Variants in PCDH15 observed in about 807,000 individuals in gnomAD.
PCDH15 encodes the protein protocadherin related 15, also known as protocadherin-15.
PCDH15 carries 129 observed loss-of-function variants against 178.5 expected under a neutral mutation model. That is an observed-to-expected ratio of 0.72 (90% CI 0.63 to 0.84). The LOEUF (loss-of-function observed/expected upper bound fraction) is 0.84, where lower values mean the gene tolerates loss of function less well. Ranked by LOEUF, PCDH15 falls within the 40% of genes least tolerant of loss-of-function variation. PCDH15 has a pLI of 0.00. For synonymous variants in PCDH15, 800 were observed against 732.0 expected, an observed-to-expected ratio of 1.09 and a Z score of -1.50; for missense variants, 2,230 against 2,099.9, an observed-to-expected ratio of 1.06 and a Z score of -1.21.
At chr10:55,069,063 ATTTT>A (rs34609396) in intron 2 of PCDH15, among the ~76,000 whole-genome samples, 4 of 143,226 alleles carry the variant, frequency 2.8e-5, no homozygotes, top group Admixed American at 1.4e-4. Flanking sequence ...ATGTCCAGCT[ATTTT>A]TTTTTTTTTT....
At chr10:54,543,161 C>G (rs982147235) in intron 2 of PCDH15, among the ~76,000 whole-genome samples, 12 of 152,162 alleles carry the variant, frequency 7.9e-5, no homozygotes, top group Non-Finnish European at 1.3e-4. Flanking sequence ...CTTCTGGCTC[C>G]CCCATTGGCT....
chr10:54,272,860 A>T (rs1178595438), intron 8 of PCDH15, among the ~76,000 whole-genome samples: 1 of 152,168 alleles, frequency 6.6e-6, no homozygotes, highest in Non-Finnish European at 1.5e-5. Flanking sequence ...TTAAATGTAA[A>T]ATGTTAACGA....
At chr10:55,360,615 C>T (rs1021219397) in intron 2 of PCDH15, among the ~76,000 whole-genome samples, 1 of 151,940 alleles carries the variant, frequency 6.6e-6, no homozygotes, top group African/African-American at 2.4e-5. Context: ...TGGGGCTGAA[C>T]TTGATTCATT....
intron 2 of PCDH15, among the ~76,000 whole-genome samples, chr10:55,023,364 C>T (rs1254447406): frequency 6.6e-6 from 1 of 152,026 alleles, no homozygotes; most frequent in Non-Finnish European, 1.5e-5. Flanking sequence ...GATAAAATCC[C>T]AATGGCAATT....
chr10:54,084,299 C>T (rs1232593683), intron 16 of PCDH15, among the ~76,000 whole-genome samples: 1 of 151,510 alleles, frequency 6.6e-6, no homozygotes, highest in African/African-American at 2.4e-5. Context: ...AAGTGAAACC[C>T]CATCTCTACT....
At chr10:55,606,732 A>G (rs1843226568) in intron 2 of PCDH15, among the ~76,000 whole-genome samples, 1 of 144,154 alleles carries the variant, frequency 6.9e-6, no homozygotes, top group African/African-American at 2.6e-5. Context: ...CTTACACCTT[A>G]TACAAAAATC....
chr10:55,150,658 A>G (rs1478773280), intron 2 of PCDH15, among the ~76,000 whole-genome samples: 1 of 152,134 alleles, frequency 6.6e-6, no homozygotes, highest in Non-Finnish European at 1.5e-5. Flanking sequence ...TATAATGCGT[A>G]ATAATGACAA....
intron 2 of PCDH15, among the ~76,000 whole-genome samples, chr10:55,144,916 A>G (rs2589458): frequency 0.53 from 80,278 of 151,750 alleles, 21,663 homozygotes; most frequent in South Asian, 0.65. Flanking sequence ...TCCAAGGAAT[A>G]TATCCAGAGG....
intron 3 of PCDH15, among the ~76,000 whole-genome samples, chr10:54,880,565 A>G: frequency 6.6e-6 from 1 of 151,948 alleles, no homozygotes; most frequent in African/African-American, 2.4e-5. Context: ...AAAAGCAGTA[A>G]AGTGTAGGAA....
At chr10:53,998,622 A>C (rs115308315) in intron 20 of PCDH15, among the ~76,000 whole-genome samples, 3,316 of 152,192 alleles carry the variant, frequency 0.022, 129 homozygotes, top group African/African-American at 0.076. Context: ...TACACACACA[A>C]AAAAAATAAA....
At chr10:54,213,265 C>T (rs1423048914) in intron 10 of PCDH15, among the ~76,000 whole-genome samples, 3 of 152,034 alleles carry the variant, frequency 2.0e-5, no homozygotes, top group African/African-American at 7.2e-5. Flanking sequence ...TAAATCTCAC[C>T]ATCTCAATGA....
At chr10:54,289,625 A>G (rs755796796) in intron 8 of PCDH15, among the ~76,000 whole-genome samples, 5 of 152,184 alleles carry the variant, frequency 3.3e-5, no homozygotes, top group Non-Finnish European at 7.3e-5. Flanking sequence ...GTTTGAACCC[A>G]TTGCAAGGAA....
At chr10:54,635,283 GCTTA>G (rs1325438083) in intron 2 of PCDH15, among the ~76,000 whole-genome samples, 3 of 151,578 alleles carry the variant, frequency 2.0e-5, no homozygotes, top group East Asian at 3.9e-4. Context: ...TAAAATACAT[GCTTA>G]TTTAGCTGAG....
At chr10:54,277,595 A>G (rs192955673) in intron 8 of PCDH15, among the ~76,000 whole-genome samples, 1 of 151,762 alleles carries the variant, frequency 6.6e-6, no homozygotes, top group East Asian at 1.9e-4. Flanking sequence ...ACTAAAGAAA[A>G]ACAGTGTTGT....
chr10:54,177,711 G>A (rs978651157), intron 13 of PCDH15, among the ~76,000 whole-genome samples: 9 of 152,146 alleles, frequency 5.9e-5, no homozygotes, highest in Non-Finnish European at 1.0e-4. Context: ...AAACAAGACT[G>A]CAAGGTGCCT....
chr10:55,336,642 G>A (rs1384125191), intron 2 of PCDH15, among the ~76,000 whole-genome samples: 1 of 152,068 alleles, frequency 6.6e-6, no homozygotes, highest in Non-Finnish European at 1.5e-5. Context: ...GAGACACAAA[G>A]AAGAATCTGA....
intron 2 of PCDH15, among the ~76,000 whole-genome samples, chr10:55,045,461 G>A (rs1840977675): frequency 6.6e-6 from 1 of 152,082 alleles, no homozygotes. Context: ...GGGAGGAGAA[G>A]TCTTTATTCA....
chr10:53,872,750 T>TTTCTTTAGTTCACAGA (rs1337196670), intron 26 of PCDH15, among the ~76,000 whole-genome samples: 3 of 152,206 alleles, frequency 2.0e-5, no homozygotes, highest in Non-Finnish European at 4.4e-5. Context: ...AGTTTGCCTT[T>TTTCTTTAGTTCACAGA]TTCTTTAGTT....
At chr10:54,806,737 G>T (rs996873925) in intron 3 of PCDH15, among the ~76,000 whole-genome samples, 2 of 152,044 alleles carry the variant, frequency 1.3e-5, no homozygotes, top group Non-Finnish European at 2.9e-5. Context: ...ACCCGCCTTG[G>T]CCTCAAAGAA....
Sources: gnomAD v4.1 joint callset for allele counts (sites outside exome capture counted in the v4.1 genomes callset) on GRCh38, gnomAD v4.1.1 for gene constraint, MANE v1.5 for transcripts, NCBI Gene and HGNC (gene_info 2026-07-23, HGNC 2026-07-21) for gene names.